MAPK4: variants seen among roughly 807,000 people sequenced by gnomAD.
MAPK4 encodes the protein mitogen-activated protein kinase 4.
Under a neutral mutation model 47.7 loss-of-function variants are expected in MAPK4, and 22 were observed. The observed-to-expected ratio is 0.46, with a 90% CI of 0.33 to 0.66. The LOEUF is 0.66. Among genes scored for constraint, MAPK4 ranks in the 30% least tolerant of loss-of-function variants. MAPK4 has a pLI of 0.02. For missense variants in MAPK4, 736 were observed against 831.7 expected, an observed-to-expected ratio of 0.88 and a Z score of 1.42; for synonymous variants, 390 against 365.7, an observed-to-expected ratio of 1.07 and a Z score of -0.76.
intron 1 of MAPK4, among the ~76,000 whole-genome samples, chr18:50,630,089 C>T (rs894258295): frequency 2.0e-5 from 3 of 152,176 alleles, no homozygotes; most frequent in Non-Finnish European, 2.9e-5. Context: ...GGGAGGGGAA[C>T]GCCTAACCCA....
chr18:50,685,521 G>T (rs759105841), intron 2 of MAPK4, among the ~76,000 whole-genome samples: 4 of 152,204 alleles, frequency 2.6e-5, no homozygotes, highest in Admixed American at 2.0e-4. Flanking sequence ...ACAAGAACGC[G>T]TAGAGAAATG....
intron 2 of MAPK4, among the ~76,000 whole-genome samples, chr18:50,675,450 G>A (rs918547261): frequency 1.3e-5 from 2 of 151,890 alleles, no homozygotes; most frequent in Non-Finnish European, 2.9e-5. Flanking sequence ...CCAAGTAGCT[G>A]GGACTACAGG....
intron 1 of MAPK4, among the ~76,000 whole-genome samples, chr18:50,577,549 TC>T (rs1322871040): frequency 6.6e-6 from 1 of 152,078 alleles, no homozygotes; most frequent in Non-Finnish European, 1.5e-5. Context: ...AAGATTGCAA[TC>T]CCCTGTGTTA....
intron 2 of MAPK4, among the ~76,000 whole-genome samples, chr18:50,676,534 A>G (rs1008067082): frequency 7.9e-5 from 12 of 152,228 alleles, no homozygotes; most frequent in Non-Finnish European, 1.5e-4. Flanking sequence ...TTCTATCTCA[A>G]TACAATTTGA....
Position 50,729,332 on chromosome 18 carries a change from G to A in MAPK4, c.1242G>A (p.Ser414=), listed in dbSNP as rs776241189. The change falls in exon 6 of 6, where the codon TCG becomes TCA. Residue 414 remains serine (S), a synonymous_variant. Coordinates refer to ENST00000400384, the MANE Select transcript of MAPK4 (RefSeq NM_002747.4). ...AGCGCTTCCTAGAGCAGTCGCACTC[G>A]TCCATGGAGCGCGCCTTCGAGGCCG... ...SSERFLEQSH[S]SMERAFEADY... is the part of the protein sequence containing the mutation. 54 of 1,594,312 alleles carry A rather than the reference G, an allele frequency of 3.4e-5. No individual in the cohort carries two copies. Among genetic ancestry groups the A allele is most frequent in the Middle Eastern group, 1.7e-4 (1 of 6,042 alleles).
At chr18:50,699,073 C>T (rs1909651451) in intron 2 of MAPK4, among the ~76,000 whole-genome samples, 1 of 151,856 alleles carries the variant, frequency 6.6e-6, no homozygotes, top group Admixed American at 6.6e-5. Context: ...CCAAATTGAA[C>T]TCATATTAGA....
rs562233968 is a variant in MAPK4, at chr18:50,724,743, A to T, written c.854-1219A>T. Among the ~76,000 whole-genome samples the T allele has an allele frequency of 1.1e-3, 164 of 152,310 alleles. 1 individual carries two copies. The highest frequency in any genetic ancestry group is 1.9e-3 in the Non-Finnish European group (129 of 68,024). ...TCAATCACTGATGAATTTTCTTGCA[A>T]AGAGATACAGGGCTGGTGTGAGGGG... On this transcript the variant is annotated intron_variant, in intron 4 of 5. Coordinates refer to ENST00000400384, the MANE Select transcript of MAPK4 (RefSeq NM_002747.4).
At chr18:50,584,814 C>G (rs2042375343) in intron 1 of MAPK4, among the ~76,000 whole-genome samples, 1 of 152,196 alleles carries the variant, frequency 6.6e-6, no homozygotes, top group African/African-American at 2.4e-5. Context: ...CAATGACTAG[C>G]ATGAAACCAA....
At chr18:50,652,652 C>T (rs758036658) in intron 1 of MAPK4, among the ~76,000 whole-genome samples, 29 of 152,096 alleles carry the variant, frequency 1.9e-4, no homozygotes, top group Non-Finnish European at 3.5e-4. Context: ...AATATTGATG[C>T]AGTAGGTTAG....
rs1009703175 is a variant in MAPK4 at position 50,730,038 on chromosome 18, G to A, written c.*184G>A. The A allele has an allele frequency of 1.2e-5, 7 of 592,288 alleles. No individual in the cohort carries two copies. Among genetic ancestry groups the A allele is most frequent in the African/African-American group, 3.7e-5 (2 of 53,934 alleles). 36.7% of individuals were successfully genotyped at this position (592,288 alleles called of 1,614,324 possible). A position where few individuals can be genotyped will look rare whatever the true frequency, so the allele number is the denominator to read the frequency against. On this transcript the variant is annotated 3_prime_UTR_variant, in exon 6 of 6. Transcript: ENST00000400384. ...TGCCTTAATAACTAGCCTTTAACCT[G>A]TGGGAGCGGGTTTGAACAGGACCCT...
chr18:50,645,112 C>T (rs1013715322), intron 1 of MAPK4, among the ~76,000 whole-genome samples: 3 of 152,206 alleles, frequency 2.0e-5, no homozygotes, highest in South Asian at 2.1e-4. Context: ...TGGTGGAAGG[C>T]GGGATATGGC....
intron 2 of MAPK4, among the ~76,000 whole-genome samples, chr18:50,708,719 G>T (rs1281565041): frequency 1.3e-5 from 2 of 152,144 alleles, no homozygotes; most frequent in African/African-American, 4.8e-5. Flanking sequence ...GGCAGCCTTA[G>T]AAGTCTCTCT....
chr18:50,597,798 GC>G (rs1192275790), intron 1 of MAPK4, among the ~76,000 whole-genome samples: 2 of 152,190 alleles, frequency 1.3e-5, no homozygotes, highest in Admixed American at 6.5e-5. Flanking sequence ...TCTTTGGGCT[GC>G]AAAATCCTCA....
intron 1 of MAPK4, among the ~76,000 whole-genome samples, chr18:50,647,750 T>C (rs981390087): frequency 5.3e-5 from 8 of 152,188 alleles, no homozygotes; most frequent in Admixed American, 2.6e-4. Flanking sequence ...GCTGTGCCAT[T>C]GTAGTCTGTG....
At chr18:50,605,715 G>T (rs1598817743) in intron 1 of MAPK4, among the ~76,000 whole-genome samples, 1 of 152,140 alleles carries the variant, frequency 6.6e-6, no homozygotes, top group Non-Finnish European at 1.5e-5. Flanking sequence ...AGGGGAGGAG[G>T]ACCCATGGCC....
rs2042656506 is a variant in MAPK4, at chr18:50,613,341, C to T, written c.-870-49748C>T. 3.9e-5 allele frequency among the ~76,000 whole-genome samples: 6 copies of T among 152,310 alleles called. No homozygotes were observed. In the South Asian group the frequency reaches 1.2e-3, roughly 32 times the overall value. ...CATGGCGGGAAGCTGTGTGTGGCCT[C>T]TAAGACCTGAGTAGCCTCCAGCCAG... On this transcript the variant is annotated intron_variant, in intron 1 of 5. Coordinates refer to ENST00000400384, the MANE Select transcript of MAPK4 (RefSeq NM_002747.4).
chr18:50,584,212 T>C (rs1343427872), intron 1 of MAPK4, among the ~76,000 whole-genome samples: 2 of 152,214 alleles, frequency 1.3e-5, no homozygotes, highest in African/African-American at 4.8e-5. Context: ...TGCTGCTTGC[T>C]ACAGCCAGGG....
At chr18:50,614,563 A>G (rs924504046) in intron 1 of MAPK4, among the ~76,000 whole-genome samples, 31 of 152,320 alleles carry the variant, frequency 2.0e-4, no homozygotes, top group Admixed American at 2.0e-3. Context: ...AGTTGCCAAT[A>G]TAAAGGATCA....
At chr18:50,653,999 A>G (rs1490247593) in intron 1 of MAPK4, among the ~76,000 whole-genome samples, 1 of 152,186 alleles carries the variant, frequency 6.6e-6, no homozygotes, top group Non-Finnish European at 1.5e-5. Context: ...AAGGACTTTG[A>G]TTCTCCTGGC....
Sources: allele counts gnomAD v4.1 joint callset (sites outside exome capture counted in the v4.1 genomes callset), GRCh38; gene constraint gnomAD v4.1.1; transcripts MANE v1.5; gene names NCBI Gene and HGNC (gene_info 2026-07-23, HGNC 2026-07-21).